The following EYS variants were observed in gnomAD, a reference collection of about 807,000 sequenced individuals.
EYS encodes EGF-like photoreceptor maintenance factor.
A neutral mutation model predicts 282.1 loss-of-function variants in EYS; 250 were observed. That is an observed-to-expected ratio of 0.89 (90% confidence interval 0.80 to 0.98). The LOEUF (loss-of-function observed/expected upper bound fraction) is 0.98. Among genes scored for constraint, EYS ranks in the 50% least tolerant of loss-of-function variants. The probability of loss-of-function intolerance (pLI) is 0.00; values close to 1 mark genes in which losing one functional copy is unlikely to be tolerated. For synonymous variants in EYS, 1,355 were observed against 1,282.9 expected (o/e 1.06, Z -1.20); for missense variants, 4,016 against 3,709.0 (o/e 1.08, Z -2.15).
intron 33 of EYS, among the ~76,000 whole-genome samples, chr6:64,010,415 G>T (rs1237691509): frequency 6.6e-6 from 1 of 151,612 alleles, no homozygotes; most frequent in Non-Finnish European, 1.5e-5. Flanking sequence ...TGGTGGTGTG[G>T]AGAGAAGGGG....
At chr6:63,941,088 G>A (rs931499246) in intron 35 of EYS, among the ~76,000 whole-genome samples, 9 of 152,070 alleles carry the variant, frequency 5.9e-5, no homozygotes, top group Non-Finnish European at 1.2e-4. Flanking sequence ...TATCACTGAT[G>A]GACATTTGGG....
At chr6:65,617,330 A>G (rs1766238607) in intron 2 of EYS, among the ~76,000 whole-genome samples, 1 of 152,146 alleles carries the variant, frequency 6.6e-6, no homozygotes, top group Admixed American at 6.5e-5. Flanking sequence ...TACTAGTGAC[A>G]GTCAGAATGC....
At chr6:65,153,902 T>C (rs1458903288) in intron 12 of EYS, among the ~76,000 whole-genome samples, 1 of 151,880 alleles carries the variant, frequency 6.6e-6, no homozygotes, top group East Asian at 1.9e-4. Context: ...GACATTTATA[T>C]TATTAATAGA....
chr6:65,533,826 T>C (rs1226272999), intron 2 of EYS, among the ~76,000 whole-genome samples: 1 of 152,110 alleles, frequency 6.6e-6, no homozygotes, highest in Non-Finnish European at 1.5e-5. Flanking sequence ...AGCCACCCAA[T>C]TTATGTCATT....
At chr6:63,755,313 C>G (rs963173066) in intron 41 of EYS, among the ~76,000 whole-genome samples, 1 of 151,648 alleles carries the variant, frequency 6.6e-6, no homozygotes, top group African/African-American at 2.4e-5. Flanking sequence ...TTGTATAGGT[C>G]TAAGAAAGGG....
intron 23 of EYS, among the ~76,000 whole-genome samples, chr6:64,625,239 C>T (rs1562098088): frequency 6.6e-6 from 1 of 152,124 alleles, no homozygotes; most frequent in Non-Finnish European, 1.5e-5. Flanking sequence ...GCATGATCAA[C>T]AATCACTTAT....
intron 35 of EYS, among the ~76,000 whole-genome samples, chr6:63,908,745 C>T (rs1336601459): frequency 1.3e-5 from 2 of 152,156 alleles, no homozygotes; most frequent in Admixed American, 1.3e-4. Context: ...GCCGCTGCAC[C>T]TAGCTAGAAA....
chr6:65,113,233 T>C (rs1378874199), intron 12 of EYS, among the ~76,000 whole-genome samples: 2 of 152,048 alleles, frequency 1.3e-5, no homozygotes, highest in African/African-American at 2.4e-5. Context: ...AAGAGAAGAA[T>C]ACTAATCTCA....
intron 14 of EYS, among the ~76,000 whole-genome samples, chr6:64,946,451 A>G (rs1053756126): frequency 7.9e-5 from 12 of 152,114 alleles, no homozygotes; most frequent in African/African-American, 2.9e-4. Context: ...AATGTAATTC[A>G]GAATGCTAGA....
chr6:64,090,469 CTTG>C, intron 31 of EYS, among the ~76,000 whole-genome samples: 1 of 152,154 alleles, frequency 6.6e-6, no homozygotes, highest in East Asian at 1.9e-4. Context: ...TAATACCTTT[CTTG>C]TTATCAACAC....
chr6:65,158,418 A>G (rs1764777595), intron 12 of EYS, among the ~76,000 whole-genome samples: 1 of 150,952 alleles, frequency 6.6e-6, no homozygotes, highest in Admixed American at 6.6e-5. Flanking sequence ...GAGTTTTAAA[A>G]TTAATGCCCA....
intron 31 of EYS, among the ~76,000 whole-genome samples, chr6:64,116,286 A>G (rs1408604961): frequency 1.3e-5 from 2 of 152,280 alleles, no homozygotes; most frequent in East Asian, 3.9e-4. Flanking sequence ...AACATATAAG[A>G]AAACCCCTAT....
At chr6:64,933,821 T>C (rs941171406) in intron 15 of EYS, among the ~76,000 whole-genome samples, 1 of 152,114 alleles carries the variant, frequency 6.6e-6, no homozygotes, top group Non-Finnish European at 1.5e-5. Flanking sequence ...GATGAGTTTA[T>C]GTCCTTTGCA....
chr6:65,578,310 A>G (rs1764747710), intron 2 of EYS, among the ~76,000 whole-genome samples: 1 of 151,676 alleles, frequency 6.6e-6, no homozygotes, highest in Non-Finnish European at 1.5e-5. Flanking sequence ...ATTATGTTAA[A>G]TGAAATAAGC....
chr6:64,032,383 C>T (rs1246970470), intron 33 of EYS, among the ~76,000 whole-genome samples: 3 of 152,210 alleles, frequency 2.0e-5, no homozygotes, highest in African/African-American at 7.2e-5. Context: ...TGATTTTGAG[C>T]ACTTCTTTGT....
chr6:65,068,585 CATG>C (rs1773816106), intron 12 of EYS, among the ~76,000 whole-genome samples: 3 of 152,142 alleles, frequency 2.0e-5, no homozygotes, highest in Non-Finnish European at 4.4e-5. Flanking sequence ...TATGTACCAA[CATG>C]TGAGTTCCAG....
intron 5 of EYS, among the ~76,000 whole-genome samples, chr6:65,482,670 C>T (rs1376456665): frequency 6.6e-6 from 1 of 152,146 alleles, no homozygotes; most frequent in Non-Finnish European, 1.5e-5. Flanking sequence ...ATCTAAACTG[C>T]TAACTAAATG....
chr6:64,428,787 T>C (rs1319012771), intron 28 of EYS, among the ~76,000 whole-genome samples: 1 of 152,186 alleles, frequency 6.6e-6, no homozygotes, highest in African/African-American at 2.4e-5. Flanking sequence ...GCTTTCAAAA[T>C]ATATTTTGAA....
chr6:64,850,237 C>G (rs1282819225), intron 19 of EYS, among the ~76,000 whole-genome samples: 1 of 152,054 alleles, frequency 6.6e-6, no homozygotes, highest in Non-Finnish European at 1.5e-5. Context: ...TATGTTAGCA[C>G]ATTCTTTCTA....
Sources: gnomAD v4.1 joint callset for allele counts (sites outside exome capture counted in the v4.1 genomes callset) on GRCh38, gnomAD v4.1.1 for gene constraint, MANE v1.5 for transcripts, NCBI Gene and HGNC (gene_info 2026-07-23, HGNC 2026-07-21) for gene names.